The following GALNT13 variants were observed in gnomAD, a reference collection of about 807,000 sequenced individuals.
The protein encoded by GALNT13 is UDP-GalNAc:polypeptide N-acetylgalactosaminyltransferase 13.
In GALNT13, 28 loss-of-function variants were observed where a neutral mutation model predicts 64.2. The observed-to-expected ratio is 0.44, with a 90% CI of 0.32 to 0.60. The LOEUF (loss-of-function observed/expected upper bound fraction) is 0.60, where lower values mean the gene tolerates loss of function less well. GALNT13 is among the 20% of genes least tolerant of loss of function. The probability of loss-of-function intolerance (pLI) is 0.05; values close to 1 mark genes in which losing one functional copy is unlikely to be tolerated. For missense variants in GALNT13, 577 were observed against 669.8 expected (o/e 0.86, Z 1.53); for synonymous variants, 214 against 224.6 (o/e 0.95, Z 0.42).
chr2:153,262,455 G>A, the GALNT13 span, among the ~76,000 whole-genome samples: 1 of 152,134 alleles, frequency 6.6e-6, no homozygotes. Flanking sequence ...TATGAGGCCA[G>A]CATCATCCTG....
At chr2:153,575,086 G>T in the GALNT13 span, among the ~76,000 whole-genome samples, 2 of 152,126 alleles carry the variant, frequency 1.3e-5, no homozygotes, top group East Asian at 3.9e-4. Context: ...GGCACCCCAA[G>T]CCCAGTAATG....
chr2:153,724,239 A>T, the GALNT13 span, among the ~76,000 whole-genome samples: 73 of 143,832 alleles, frequency 5.1e-4, 1 homozygote, highest in Non-Finnish European at 9.3e-4. Flanking sequence ...TGCTGGGAAA[A>T]CTGGCTAGCC....
chr2:153,098,804 G>C, the GALNT13 span, among the ~76,000 whole-genome samples: 14 of 152,250 alleles, frequency 9.2e-5, no homozygotes, highest in African/African-American at 3.4e-4. Context: ...AAGCCAAAGA[G>C]TCATAGAATG....
chr2:154,133,295 AAATT>A (rs1253344854), intron 3 of GALNT13, among the ~76,000 whole-genome samples: 1 of 151,962 alleles, frequency 6.6e-6, no homozygotes, highest in African/African-American at 2.4e-5. Flanking sequence ...GCATTGAAAT[AAATT>A]AATCATGGGC....
At chr2:153,871,841 A>AGAGGAGGAGGGACCACGC (rs1310741236), upstream of GALNT13, 7 of 126,202 alleles carry the variant, frequency 5.5e-5, no homozygotes, top group South Asian at 2.8e-4. Context: ...TGGGGCTACG[A>AGAGGAGGAGGGACCACGC]GAGGAGGAGG....
At chr2:153,599,660 G>C in the GALNT13 span, among the ~76,000 whole-genome samples, 1 of 151,908 alleles carries the variant, frequency 6.6e-6, no homozygotes, top group Non-Finnish European at 1.5e-5. Flanking sequence ...ACGATAAAGA[G>C]CAAGACACAA....
intron 1 of GALNT13, among the ~76,000 whole-genome samples, chr2:153,876,974 T>G (rs77124948): frequency 5.7e-4 from 87 of 152,220 alleles, no homozygotes; most frequent in East Asian, 4.8e-3. Flanking sequence ...TACACTACCA[T>G]AATTACCTAC....
At chr2:153,286,098 A>C in the GALNT13 span, among the ~76,000 whole-genome samples, 1 of 152,134 alleles carries the variant, frequency 6.6e-6, no homozygotes, top group African/African-American at 2.4e-5. Context: ...TATACAAAAA[A>C]ACATTAAAAG....
intron 2 of GALNT13, among the ~76,000 whole-genome samples, chr2:153,919,584 C>A (rs925594889): frequency 2.0e-5 from 3 of 151,912 alleles, no homozygotes; most frequent in Admixed American, 1.3e-4. Context: ...GTGTCTCAAG[C>A]ACCTAATGTG....
the GALNT13 span, among the ~76,000 whole-genome samples, chr2:153,765,319 C>A: frequency 6.6e-6 from 1 of 152,098 alleles, no homozygotes; most frequent in Non-Finnish European, 1.5e-5. Flanking sequence ...CCCATGGGAG[C>A]CCAACTCTTG....
chr2:153,370,220 A>G, the GALNT13 span, among the ~76,000 whole-genome samples: 2 of 152,194 alleles, frequency 1.3e-5, no homozygotes, highest in African/African-American at 2.4e-5. Context: ...AAAGGCTTAG[A>G]TGGCTTCATT....
chr2:154,345,622 A>C (rs1696028001), intron 9 of GALNT13, among the ~76,000 whole-genome samples: 1 of 152,032 alleles, frequency 6.6e-6, no homozygotes, highest in South Asian at 2.1e-4. Flanking sequence ...CCCAGAGCAT[A>C]CCCTAAAATT....
intron 3 of GALNT13, among the ~76,000 whole-genome samples, chr2:153,989,129 A>G (rs1302698680): frequency 6.6e-6 from 1 of 152,034 alleles, no homozygotes. Context: ...GACATTTCTA[A>G]AGAATTAATA....
chr2:153,084,286 T>G, the GALNT13 span, among the ~76,000 whole-genome samples: 1 of 152,160 alleles, frequency 6.6e-6, no homozygotes, highest in South Asian at 2.1e-4. Context: ...GATGATGGTA[T>G]TTTTGATGGG....
At chr2:153,963,417 C>T (rs1574217400) in intron 3 of GALNT13, among the ~76,000 whole-genome samples, 2 of 152,118 alleles carry the variant, frequency 1.3e-5, no homozygotes, top group East Asian at 3.9e-4. Context: ...CATATGTTTT[C>T]ACAACTCTTG....
chr2:154,228,035 T>C (rs1688716306), intron 4 of GALNT13, among the ~76,000 whole-genome samples: 1 of 152,076 alleles, frequency 6.6e-6, no homozygotes, highest in Non-Finnish European at 1.5e-5. Context: ...ATGTTAACAT[T>C]GTTCTCAAAC....
At chr2:153,728,541 T>C in the GALNT13 span, among the ~76,000 whole-genome samples, 1 of 152,188 alleles carries the variant, frequency 6.6e-6, no homozygotes, top group East Asian at 1.9e-4. Flanking sequence ...ATCAGAAAGC[T>C]AGAAAGATCA....
At chr2:153,396,719 T>G in the GALNT13 span, among the ~76,000 whole-genome samples, 14 of 152,132 alleles carry the variant, frequency 9.2e-5, no homozygotes, top group African/African-American at 3.4e-4. Flanking sequence ...ATCATAGATA[T>G]TAAACATGCA....
chr2:153,902,159 A>T (rs1457536553), intron 2 of GALNT13, among the ~76,000 whole-genome samples: 2 of 152,096 alleles, frequency 1.3e-5, no homozygotes, highest in Non-Finnish European at 2.9e-5. Context: ...GCAACATTTT[A>T]TCTGGGGACA....
Sources: allele counts gnomAD v4.1 joint callset (sites outside exome capture counted in the v4.1 genomes callset), GRCh38; gene constraint gnomAD v4.1.1; transcripts MANE v1.5; gene names NCBI Gene and HGNC (gene_info 2026-07-23, HGNC 2026-07-21).